Variants in CNN1 observed in about 807,000 individuals in gnomAD.
The protein encoded by CNN1 is calponin 1.
A neutral mutation model predicts 35.3 loss-of-function variants in CNN1; 21 were observed. That is an observed-to-expected ratio of 0.60 (90% confidence interval 0.42 to 0.86). CNN1 has a LOEUF of 0.86. CNN1 is among the 40% of genes least tolerant of loss of function. CNN1 has a pLI of 0.00. For synonymous variants in CNN1, 164 were observed against 161.8 expected, an observed-to-expected ratio of 1.01 and a Z score of -0.10; for missense variants, 314 against 400.8, an observed-to-expected ratio of 0.78 and a Z score of 1.85.
Position 11,547,805 on chromosome 19 carries a change from G to A in CNN1, c.399G>A (p.Thr133=), listed in dbSNP as rs752440686. The change falls in exon 5 of 7, where the codon ACG becomes ACA. Residue 133 remains threonine, a synonymous_variant. Coordinates refer to ENST00000252456, the MANE Select transcript of CNN1 (RefSeq NM_001299.6). ...TTCCCTGCCCCACCTAGGCGAAGACGAAAGGAAACAAGGTGAACGTGGGAG... is the reference window on the plus strand; with the variant it reads ...TTCCCTGCCCCACCTAGGCGAAGACAAAAGGAAACAAGGTGAACGTGGGAG... ...TLLALASMAK[T]KGNKVNVGVK... is the part of the protein sequence containing the mutation. 9 of 1,613,718 alleles carry A rather than the reference G, an allele frequency of 5.6e-6. No homozygotes were observed. Among genetic ancestry groups the A allele is most frequent in the East Asian group, 2.2e-5 (1 of 44,868 alleles).
Position 11,549,834 on chromosome 19 carries a change from T to C in CNN1, c.*39T>C. ...TCCCTGTTTTCCCCCCAAGGGAGGC[T>C]GCTGCTGCTCTTGGCTGGACCCAGC... is the stretch of plus-strand genomic sequence containing the variant. On this transcript the variant is annotated 3_prime_UTR_variant, in exon 7 of 7. Coordinates refer to ENST00000252456, the MANE Select transcript of CNN1 (RefSeq NM_001299.6). This position sits in a 1 kb window ranked among gnomAD's most constrained non-coding sequence, Gnocchi z 5.2. 6.4e-7 allele frequency: 1 copy of C among 1,569,262 alleles called. No homozygotes were observed. Among genetic ancestry groups the C allele is most frequent in the Non-Finnish European group, 8.7e-7 (1 of 1,153,120 alleles).
Position 11,548,039 on chromosome 19 carries a change from C to G in CNN1, c.501+132C>G, listed in dbSNP as rs368329701. 2.3e-3 allele frequency: 1,308 copies of G among 577,164 alleles called. 41 individuals are homozygous for G. In the South Asian group the frequency reaches 0.032, roughly 14 times the overall value. The allele number at this position is 577,164 out of a possible 1,614,324, so 35.8% of individuals were successfully genotyped here. On this transcript the variant is annotated intron_variant, in intron 5 of 6. Coordinates refer to ENST00000252456, the MANE Select transcript of CNN1 (RefSeq NM_001299.6). Reference sequence around the variant, plus strand: ...GGGTACTGTGCTTATGCTCATCTTCCATTCACAAACTCACTCACTCTGCCA... The same window carrying G: ...GGGTACTGTGCTTATGCTCATCTTCGATTCACAAACTCACTCACTCTGCCA...
chr19:11,544,530 G>A (rs1350166110), intron 2 of CNN1, among the ~76,000 whole-genome samples: 2 of 152,038 alleles, frequency 1.3e-5, no homozygotes, highest in South Asian at 2.1e-4. Flanking sequence ...GGAGTACAGC[G>A]GTGCAATCAT....
intron 1 of CNN1, 36 bp downstream of exon 1, chr19:11,539,026 G>A (rs373788165): frequency 1.0e-4 from 159 of 1,518,616 alleles, no homozygotes; most frequent in Admixed American, 1.8e-4. Flanking sequence ...TGGCCCACAC[G>A]TCCTGCCAGG....
In CNN1 at chr19:11,541,033, C is replaced by T. The variant is rs1332954320; in HGVS notation, c.64-43C>T. On this transcript the variant is annotated intron_variant, in intron 1 of 6. Transcript: ENST00000252456. ...GGAGCCCAGGCTGCCCCCAATGCAT[C>T]CTCACCCCTTTCTCTGTGCCCCCTG... The T allele has an allele frequency of 4.5e-6, 7 of 1,556,066 alleles. No individual in the cohort carries two copies. In the Admixed American group the frequency reaches 1.4e-4, roughly 30 times the overall value.
At chr19:11,541,319 G>A (rs1599603103) in intron 2 of CNN1, 122 bp downstream of exon 2, 1 of 1,314,754 alleles carries the variant, frequency 7.6e-7, no homozygotes, top group East Asian at 2.7e-5. Context: ...TACCTTTGGG[G>A]TGGCCAGTAA....
At chr19:11,540,816 C>T (rs1972444867) in intron 1 of CNN1, 2 of 388,838 alleles carry the variant, frequency 5.1e-6, no homozygotes, top group Admixed American at 9.0e-5. Flanking sequence ...GCTCCCCACA[C>T]CCCACCCCTC....
chr19:11,549,397 G>A lies in CNN1; in HGVS notation c.576G>A (p.Lys192=), dbSNP rs1599612207. Residue 192 remains lysine, a synonymous_variant, in exon 6 of 7, where the codon AAG becomes AAA. Coordinates refer to ENST00000252456, the MANE Select transcript of CNN1 (RefSeq NM_001299.6). This position sits in a 1 kb window ranked among gnomAD's most constrained non-coding sequence, Gnocchi z 5.2. ...CCCGGCGCCACCTCTACGACCCCAAGCTGGGCACAGACCAGCCTCTGGACC... is the reference window on the plus strand; with the variant it reads ...CCCGGCGCCACCTCTACGACCCCAAACTGGGCACAGACCAGCCTCTGGACC... ...YGTRRHLYDP[K]LGTDQPLDQA... The A allele has an allele frequency of 6.2e-7, 1 of 1,613,994 alleles. No individual in the cohort carries two copies. Among genetic ancestry groups the A allele is most frequent in the Non-Finnish European group, 8.5e-7 (1 of 1,179,982 alleles).
intron 1 of CNN1, chr19:11,539,902 C>T: frequency 1.8e-6 from 2 of 1,138,544 alleles, no homozygotes; most frequent in Non-Finnish European, 1.1e-6. Context: ...CCGCGCAGAG[C>T]CGCGCAGAGA....
chr19:11,547,556 A>C (rs1972617688), intron 4 of CNN1, among the ~76,000 whole-genome samples: 1 of 152,040 alleles, frequency 6.6e-6, no homozygotes, highest in Admixed American at 6.6e-5. Context: ...TAAAACTACA[A>C]AACAAAATTA....
At chr19:11,547,075 C>A in intron 4 of CNN1, 106 bp downstream of exon 4, 2 of 1,526,426 alleles carry the variant, frequency 1.3e-6, no homozygotes, top group South Asian at 1.2e-5. Context: ...GAGCGGGGGG[C>A]AGGGATCGGG....
chr19:11,549,248 T>C lies in CNN1; in HGVS notation c.502-75T>C, dbSNP rs1599611885. The C allele has an allele frequency of 2.7e-6, 4 of 1,479,116 alleles. No homozygotes were observed. In the East Asian group the frequency reaches 7.0e-5, roughly 26 times the overall value. The allele number at this position is 1,479,116 out of a possible 1,614,324, so 91.6% of individuals were successfully genotyped here. On this transcript the variant is annotated intron_variant, in intron 5 of 6. Transcript: ENST00000252456. This position sits in a 1 kb window ranked among gnomAD's most constrained non-coding sequence, Gnocchi z 5.2. ...AAAATGATAAAGCGGCGCCTCATCCTCTCCCATCAGCTATGCCTCATGGCC... is the reference window on the plus strand; with the variant it reads ...AAAATGATAAAGCGGCGCCTCATCCCCTCCCATCAGCTATGCCTCATGGCC...
In CNN1 at chr19:11,547,888, G is replaced by A. The variant is rs777359785; in HGVS notation, c.482G>A (p.Arg161Gln). The A allele has an allele frequency of 5.6e-6, 9 of 1,613,804 alleles. No individual in the cohort carries two copies. In the East Asian group the frequency reaches 6.7e-5, roughly 12 times the overall value. ...GAGCCGGGGAAGCTAAGAGAAGGGC[G>A]GAACATCATTGGGCTGCAGGTACCG... ...KFEPGKLREGRNIIGLQMGTN... is the reference protein window; with the variant it reads ...KFEPGKLREGQNIIGLQMGTN... Residue 161 changes from arginine to glutamine, a missense_variant, in exon 5 of 7, where the codon CGG (arginine) becomes CAG (glutamine). By Grantham distance (43) the Arg-to-Gln change is conservative. Transcript: ENST00000252456.
chr19:11,543,857 A>G (rs189846993), intron 2 of CNN1, among the ~76,000 whole-genome samples: 347 of 151,888 alleles, frequency 2.3e-3, no homozygotes, highest in Non-Finnish European at 3.4e-3. Context: ...TGGCACATGT[A>G]TACCTATGTA....
chr19:11,546,993 AGGGGGTGGTGGGCAGCCTGGGCT>A lies in CNN1; in HGVS notation c.390+28_390+50del, dbSNP rs528085942. 7.3e-4 allele frequency: 1,185 copies of A among 1,613,360 alleles called. 1 individual carries two copies. The highest frequency in any genetic ancestry group is 9.4e-4 in the Non-Finnish European group (1,109 of 1,179,494). ...TGGTGAGTGTGGTTGCAGGCTGGGC[AGGGGGTGGTGGGCAGCCTGGGCT>A]GGGATGCAGGTGTGGCCACTTGTGC... On this transcript the variant is annotated intron_variant, in intron 4 of 6. Transcript: ENST00000252456.
intron 4 of CNN1, 91 bp downstream of exon 4, chr19:11,547,060 T>G: frequency 6.4e-7 from 1 of 1,556,190 alleles, no homozygotes; most frequent in South Asian, 1.1e-5. Flanking sequence ...CCAGTGAAGG[T>G]GGCGGAGCGG....
chr19:11,548,897 A>G (rs2145044553), intron 5 of CNN1, among the ~76,000 whole-genome samples: 1 of 152,122 alleles, frequency 6.6e-6, no homozygotes, highest in African/African-American at 2.4e-5. Context: ...AAAATAAACT[A>G]AAAAATGGGC....
intron 1 of CNN1, chr19:11,540,004 C>T (rs1195993540): frequency 2.8e-6 from 3 of 1,057,288 alleles, no homozygotes; most frequent in African/African-American, 3.5e-5. Context: ...GCGTGGGGGG[C>T]GGCAGGGCCA....
chr19:11,545,166 C>T (rs865916339), intron 2 of CNN1, among the ~76,000 whole-genome samples: 2 of 150,742 alleles, frequency 1.3e-5, no homozygotes, highest in Admixed American at 6.6e-5. Flanking sequence ...CCGCCACTGC[C>T]TTCCAGCCTG....
Sources: allele counts gnomAD v4.1 joint callset (sites outside exome capture counted in the v4.1 genomes callset), GRCh38; gene constraint gnomAD v4.1.1; non-coding constraint Gnocchi (gnomAD v3.1); transcripts MANE v1.5; gene names NCBI Gene and HGNC (gene_info 2026-07-23, HGNC 2026-07-21).